Variants in TANGO6 observed in about 807,000 individuals in gnomAD.
The protein encoded by TANGO6 is transport and golgi organization 6 homolog, also known as transport and Golgi organization protein 6 homolog.
In TANGO6, 90 loss-of-function variants were observed where a neutral mutation model predicts 114.2. The ratio of observed to expected loss-of-function variants is 0.79; its 90% confidence interval spans 0.66 to 0.94. TANGO6 has a LOEUF of 0.94. Ranked by LOEUF, TANGO6 falls within the 40% of genes least tolerant of loss-of-function variation. TANGO6 has a pLI of 0.00. For synonymous variants in TANGO6, 477 were observed against 509.8 expected (o/e 0.94, Z 0.87); for missense variants, 1,274 against 1,315.3 (o/e 0.97, Z 0.49).
chr16:68,905,579 G>A (rs1962839378), intron 9 of TANGO6, among the ~76,000 whole-genome samples: 1 of 151,604 alleles, frequency 6.6e-6, no homozygotes, highest in Non-Finnish European at 1.5e-5. Flanking sequence ...ACACACAGGT[G>A]TATATATATG....
In TANGO6 at chr16:69,083,812, A is replaced by G; in HGVS notation, c.*151A>G. ...TATGGTGCAGGTCACTTGGGTCTTCAGGGTCCCTTCCGAGGGCATGTGTTC... is the reference window on the plus strand; with the variant it reads ...TATGGTGCAGGTCACTTGGGTCTTCGGGGTCCCTTCCGAGGGCATGTGTTC... On this transcript the variant is annotated 3_prime_UTR_variant, in exon 18 of 18. Coordinates refer to ENST00000261778, the MANE Select transcript of TANGO6 (RefSeq NM_024562.2). The G allele has an allele frequency of 1.3e-6, 1 of 782,104 alleles. No individual in the cohort carries two copies. Among genetic ancestry groups the G allele is most frequent in the African/African-American group, 1.7e-5 (1 of 57,236 alleles). The allele number at this position is 782,104 out of a possible 1,614,324, so 48.4% of individuals were successfully genotyped here.
intron 16 of TANGO6, among the ~76,000 whole-genome samples, chr16:69,038,507 T>A (rs928566744): frequency 2.0e-5 from 3 of 152,184 alleles, no homozygotes; most frequent in African/African-American, 7.2e-5. Context: ...TTGGTCACAC[T>A]TTCAAAAATT....
At position 69,009,671 on chromosome 16, in the gene TANGO6, T is replaced by G. The variant is rs1027949536; in HGVS notation, c.2843-13157T>G. Among the ~76,000 whole-genome samples the G allele has an allele frequency of 3.9e-5, 6 of 152,354 alleles. No individual in the cohort carries two copies. In the East Asian group the frequency reaches 1.2e-3, roughly 29 times the overall value. On this transcript the variant is annotated intron_variant, in intron 15 of 17. Coordinates refer to ENST00000261778, the MANE Select transcript of TANGO6 (RefSeq NM_024562.2). ...TTGCCATTGTAATATTGTCCTTCAATTCATGAACATGGGATGTCTTTCCAT... is the reference window on the plus strand; with the variant it reads ...TTGCCATTGTAATATTGTCCTTCAAGTCATGAACATGGGATGTCTTTCCAT...
intron 17 of TANGO6, among the ~76,000 whole-genome samples, chr16:69,062,638 A>G (rs946147331): frequency 2.0e-5 from 3 of 151,428 alleles, no homozygotes; most frequent in Admixed American, 2.0e-4. Context: ...GCGCCTGGCT[A>G]ATTTTTTTAT....
intron 17 of TANGO6, among the ~76,000 whole-genome samples, chr16:69,043,369 A>G (rs1180569553): frequency 6.6e-6 from 1 of 150,504 alleles, no homozygotes; most frequent in Non-Finnish European, 1.5e-5. Flanking sequence ...AGAAATAGAA[A>G]CTCTATCCAG....
In TANGO6 at chr16:69,050,893, G is replaced by A. The variant is rs189717490; in HGVS notation, c.3108+10472G>A. 2.7e-3 allele frequency among the ~76,000 whole-genome samples: 414 copies of A among 152,208 alleles called. 3 individuals carry two copies. The highest frequency in any genetic ancestry group is 9.6e-3 in the African/African-American group (399 of 41,534). On this transcript the variant is annotated intron_variant, in intron 17 of 17. Transcript: ENST00000261778. ...TCCTGCCTCAGCCTCCCAAAGTGCT[G>A]GGATTACAGGCGTGAGCCATTGCAC... is the stretch of plus-strand genomic sequence containing the variant.
intron 7 of TANGO6, among the ~76,000 whole-genome samples, chr16:68,882,566 A>G (rs1962479511): frequency 6.6e-6 from 1 of 152,166 alleles, no homozygotes; most frequent in South Asian, 2.1e-4. Flanking sequence ...ACAGGGAGCA[A>G]TTACAAATGA....
At chr16:68,957,457 G>A (rs912804524) in intron 14 of TANGO6, among the ~76,000 whole-genome samples, 2 of 150,488 alleles carry the variant, frequency 1.3e-5, no homozygotes, top group East Asian at 2.0e-4. Context: ...GAGTGCAGTG[G>A]TGCGATTTTG....
intron 17 of TANGO6, among the ~76,000 whole-genome samples, chr16:69,049,799 C>A (rs976313287): frequency 3.3e-5 from 5 of 151,456 alleles, no homozygotes; most frequent in Admixed American, 1.3e-4. Flanking sequence ...TGGTCTTGAA[C>A]TCCTGAGCTC....
chr16:69,047,779 G>C (rs1959886051), intron 17 of TANGO6, among the ~76,000 whole-genome samples: 1 of 152,114 alleles, frequency 6.6e-6, no homozygotes, highest in Non-Finnish European at 1.5e-5. Context: ...TGAGAACTTT[G>C]CACATGGATT....
chr16:68,919,046 T>C, intron 11 of TANGO6, 39 bp from the exon 12 acceptor site: 1 of 1,585,574 alleles, frequency 6.3e-7, no homozygotes, highest in Non-Finnish European at 8.6e-7. Context: ...ATTTTTTTTT[T>C]TCATTCCTCA....
chr16:68,907,726 A>G (rs559607523), intron 10 of TANGO6, among the ~76,000 whole-genome samples, 151 bp downstream of exon 10: 12 of 152,326 alleles, frequency 7.9e-5, no homozygotes, highest in Admixed American at 2.6e-4. Context: ...TTTATTTTTT[A>G]GTAGCCTTTG....
At chr16:68,873,068 G>A (rs112469044) in intron 4 of TANGO6, among the ~76,000 whole-genome samples, 14,829 of 151,350 alleles carry the variant, frequency 0.098, 812 homozygotes, top group Non-Finnish European at 0.13. Context: ...GAGCTGTGCA[G>A]TCATCACCAA....
intron 14 of TANGO6, among the ~76,000 whole-genome samples, chr16:68,954,120 T>C (rs28491936): frequency 0.15 from 22,840 of 151,544 alleles, 2,369 homozygotes; most frequent in African/African-American, 0.29. Flanking sequence ...TGTGGTGGTG[T>C]GTGCCTGTAA....
intron 14 of TANGO6, among the ~76,000 whole-genome samples, chr16:68,944,656 A>G (rs574317991): frequency 6.6e-6 from 1 of 152,318 alleles, no homozygotes; most frequent in African/African-American, 2.4e-5. Flanking sequence ...AGGGTGCTCA[A>G]AGGCCCTCAA....
intron 8 of TANGO6, among the ~76,000 whole-genome samples, chr16:68,900,977 T>C (rs1416798984): frequency 6.6e-6 from 1 of 152,218 alleles, no homozygotes; most frequent in Non-Finnish European, 1.5e-5. Flanking sequence ...GTGTTGGTGA[T>C]GCAGTGTGTT....
chr16:69,073,089 AT>A (rs1960320360), intron 17 of TANGO6, among the ~76,000 whole-genome samples: 4 of 151,686 alleles, frequency 2.6e-5, no homozygotes, highest in Admixed American at 1.3e-4. Flanking sequence ...AAGCTCTAGA[AT>A]TTCTATATAT....
At chr16:68,863,196 T>C (rs1194142452) in intron 3 of TANGO6, 135 bp downstream of exon 3, 3 of 522,588 alleles carry the variant, frequency 5.7e-6, no homozygotes, top group Non-Finnish European at 9.9e-6. Context: ...TTTTAGATCA[T>C]AAAATGATAT....
chr16:68,970,780 A>T (rs938109901), intron 14 of TANGO6, among the ~76,000 whole-genome samples: 17 of 152,100 alleles, frequency 1.1e-4, no homozygotes, highest in Admixed American at 9.2e-4. Flanking sequence ...CCATTTTTCC[A>T]CTGTTTTCCA....
Sources: allele counts gnomAD v4.1 joint callset (sites outside exome capture counted in the v4.1 genomes callset), GRCh38; gene constraint gnomAD v4.1.1; transcripts MANE v1.5; gene names NCBI Gene and HGNC (gene_info 2026-07-23, HGNC 2026-07-21).